Variants in SH3D19 observed in about 807,000 individuals in gnomAD.
SH3D19 encodes the protein SH3 domain containing 19.
In SH3D19, 58 loss-of-function variants were observed where a neutral mutation model predicts 112.1. The ratio of observed to expected loss-of-function variants is 0.52; its 90% confidence interval spans 0.42 to 0.64. The LOEUF (loss-of-function observed/expected upper bound fraction) is 0.64. SH3D19 is among the 30% of genes least tolerant of loss of function. The pLI, the probability that SH3D19 is intolerant of heterozygous loss-of-function variation, is 0.00. For missense variants in SH3D19, 1,090 were observed against 1,263.4 expected (o/e 0.86, Z 2.08); for synonymous variants, 391 against 448.5 (o/e 0.87, Z 1.62).
intron 3 of SH3D19, among the ~76,000 whole-genome samples, chr4:151,180,813 G>A (rs1760791782): frequency 6.6e-6 from 1 of 151,338 alleles, no homozygotes; most frequent in African/African-American, 2.4e-5. Context: ...GCCCAGGCTG[G>A]AGTGCAGTGG....
intron 1 of SH3D19, chr4:151,282,099 T>G: frequency 6.2e-7 from 1 of 1,601,392 alleles, no homozygotes. Flanking sequence ...GGCAGCCTGT[T>G]CTGACCCAGC....
intron 9 of SH3D19, among the ~76,000 whole-genome samples, chr4:151,155,942 C>A (rs933602054): frequency 3.3e-5 from 5 of 152,004 alleles, no homozygotes; most frequent in Non-Finnish European, 5.9e-5. Flanking sequence ...ACCAAAAAAA[C>A]CCTCTTAGAA....
intron 1 of SH3D19, among the ~76,000 whole-genome samples, chr4:151,293,214 T>TA (rs1383583233): frequency 2.0e-5 from 3 of 152,142 alleles, no homozygotes; most frequent in Admixed American, 2.0e-4. Context: ...CTCACGCCTG[T>TA]AATCCCAGCA....
chr4:151,258,545 C>T (rs947820443), intron 1 of SH3D19, among the ~76,000 whole-genome samples: 3 of 152,202 alleles, frequency 2.0e-5, no homozygotes, highest in Admixed American at 1.3e-4. Context: ...AAGCACTGAG[C>T]GAGCCCTGCT....
At chr4:151,142,103 C>A (rs1753108601) in intron 12 of SH3D19, among the ~76,000 whole-genome samples, 1 of 152,150 alleles carries the variant, frequency 6.6e-6, no homozygotes, top group Admixed American at 6.5e-5. Flanking sequence ...TCTAATATGA[C>A]TATAACTGCT....
intron 1 of SH3D19, among the ~76,000 whole-genome samples, chr4:151,276,563 A>G (rs990948496): frequency 6.6e-6 from 1 of 152,158 alleles, no homozygotes; most frequent in Admixed American, 6.5e-5. Flanking sequence ...AACTTGTGAG[A>G]TAGGCTGTGG....
intron 3 of SH3D19, among the ~76,000 whole-genome samples, chr4:151,183,951 C>T (rs1327453193): frequency 1.3e-5 from 2 of 152,178 alleles, no homozygotes; most frequent in Admixed American, 6.5e-5. Flanking sequence ...TGGGTCAACA[C>T]CTACCACGCA....
chr4:151,292,776 T>C (rs1290122872), intron 1 of SH3D19, among the ~76,000 whole-genome samples: 2 of 152,048 alleles, frequency 1.3e-5, no homozygotes, highest in Non-Finnish European at 2.9e-5. Flanking sequence ...GATCCTTTTA[T>C]AAAAAAAACT....
chr4:151,181,433 C>T (rs72965692), intron 3 of SH3D19, among the ~76,000 whole-genome samples: 6,168 of 152,164 alleles, frequency 0.041, 376 homozygotes, highest in African/African-American at 0.14. Context: ...AAACCAAACC[C>T]CTGGGTTTCT....
intron 1 of SH3D19, among the ~76,000 whole-genome samples, chr4:151,269,577 T>C (rs1773083850): frequency 6.6e-6 from 1 of 152,144 alleles, no homozygotes; most frequent in Admixed American, 6.5e-5. Context: ...TGGTTTTGGG[T>C]CTAATGTTTA....
intron 1 of SH3D19, 28 bp downstream of exon 1, chr4:151,325,213 C>A: frequency 2.5e-6 from 3 of 1,191,858 alleles, no homozygotes; most frequent in South Asian, 4.3e-5. Context: ...CTCTGGGTCC[C>A]CGCCGCCCCG....
At chr4:151,317,624 A>C (rs934290696) in intron 1 of SH3D19, among the ~76,000 whole-genome samples, 3 of 152,222 alleles carry the variant, frequency 2.0e-5, no homozygotes, top group Non-Finnish European at 2.9e-5. Flanking sequence ...TGCTGAGATC[A>C]CTTTGAACAT....
chr4:151,281,263 T>C (rs1395919765), intron 1 of SH3D19, among the ~76,000 whole-genome samples: 2 of 152,072 alleles, frequency 1.3e-5, no homozygotes, highest in African/African-American at 2.4e-5. Flanking sequence ...GTGATGGGTA[T>C]AAAGATAAAA....
At chr4:151,203,483 G>T (rs902277733) in intron 2 of SH3D19, among the ~76,000 whole-genome samples, 15 of 152,010 alleles carry the variant, frequency 9.9e-5, no homozygotes, top group Admixed American at 9.8e-4. Flanking sequence ...CTAAATTCAG[G>T]AAACACTCAC....
intron 19 of SH3D19, among the ~76,000 whole-genome samples, chr4:151,123,931 A>G (rs1467253065): frequency 6.6e-6 from 1 of 152,186 alleles, no homozygotes; most frequent in Non-Finnish European, 1.5e-5. Context: ...GAAACATGCA[A>G]TCAGATGTTA....
chr4:151,245,312 T>A (rs1462699788), intron 1 of SH3D19, among the ~76,000 whole-genome samples: 1 of 133,384 alleles, frequency 7.5e-6, no homozygotes, highest in African/African-American at 2.5e-5. Context: ...TTCAGTTCCT[T>A]GTTAATTTTT....
At chr4:151,134,984 G>T in intron 15 of SH3D19, 90 bp downstream of exon 15, 1 of 1,067,408 alleles carries the variant, frequency 9.4e-7, no homozygotes, top group Non-Finnish European at 1.4e-6. Flanking sequence ...ACCATGCCTG[G>T]CCTTGGAGTG....
chr4:151,184,151 C>T (rs565056713), intron 3 of SH3D19, among the ~76,000 whole-genome samples: 27 of 152,222 alleles, frequency 1.8e-4, no homozygotes, highest in African/African-American at 6.5e-4. Flanking sequence ...CACAAGAATA[C>T]ATGCAAAGAA....
chr4:151,191,603 T>C (rs1030921296), intron 2 of SH3D19, among the ~76,000 whole-genome samples: 3 of 152,130 alleles, frequency 2.0e-5, no homozygotes, highest in African/African-American at 7.2e-5. Flanking sequence ...AAGCATGATA[T>C]ACCCACTGGG....
Sources: gnomAD v4.1 joint callset for allele counts (sites outside exome capture counted in the v4.1 genomes callset) on GRCh38, gnomAD v4.1.1 for gene constraint, MANE v1.5 for transcripts, NCBI Gene and HGNC (gene_info 2026-07-23, HGNC 2026-07-21) for gene names.